PCDH15: variants seen among roughly 807,000 people sequenced by gnomAD.
The protein encoded by PCDH15 is protocadherin-15.
Under a neutral mutation model 178.5 loss-of-function variants are expected in PCDH15, and 129 were observed. The ratio of observed to expected loss-of-function variants is 0.72; its 90% CI spans 0.63 to 0.84. The LOEUF (loss-of-function observed/expected upper bound fraction) is 0.84, where lower values mean the gene tolerates loss of function less well. PCDH15 is among the 40% of genes least tolerant of loss of function. The pLI is 0.00. For synonymous variants in PCDH15, 800 were observed against 732.0 expected (o/e 1.09, Z -1.50); for missense variants, 2,230 against 2,099.9 (o/e 1.06, Z -1.21).
At chr10:54,832,264 A>G (rs1953237936) in intron 3 of PCDH15, among the ~76,000 whole-genome samples, 1 of 152,154 alleles carries the variant, frequency 6.6e-6, no homozygotes, top group African/African-American at 2.4e-5. Flanking sequence ...GCCCATCCGA[A>G]TCAGTCACAG....
At chr10:55,398,144 G>T (rs1837974344) in intron 2 of PCDH15, among the ~76,000 whole-genome samples, 1 of 149,142 alleles carries the variant, frequency 6.7e-6, no homozygotes, top group African/African-American at 2.5e-5. Context: ...CATTATTTTG[G>T]ATGTCAATAA....
At chr10:55,008,838 C>T (rs1457264368) in intron 2 of PCDH15, among the ~76,000 whole-genome samples, 8 of 151,814 alleles carry the variant, frequency 5.3e-5, no homozygotes, top group Admixed American at 5.3e-4. Context: ...AATTACTAAA[C>T]ATCAACAGCT....
At chr10:54,491,106 A>G (rs2079547353) in intron 3 of PCDH15, among the ~76,000 whole-genome samples, 1 of 152,162 alleles carries the variant, frequency 6.6e-6, no homozygotes, top group Non-Finnish European at 1.5e-5. Context: ...GAAGGTAAGT[A>G]TAGCAAATTA....
At chr10:54,412,742 C>T (rs985006074) in intron 3 of PCDH15, among the ~76,000 whole-genome samples, 4 of 152,162 alleles carry the variant, frequency 2.6e-5, no homozygotes, top group South Asian at 4.1e-4. Context: ...TCTTTTTTTG[C>T]GACAGAGTCT....
rs550388392 is a variant in PCDH15 at position 55,057,238 on chromosome 10, C to T, written c.-80+109338G>A. 5.9e-5 allele frequency among the ~76,000 whole-genome samples: 9 copies of T among 152,154 alleles called. No homozygotes were observed. In the South Asian group the frequency reaches 1.9e-3, roughly 32 times the overall value. ...ATTTGGTCTTTAATCTTTTCAGCTACTTCTTTCCTTTAGTGGTTGTAATTT... is the reference window on the plus strand; with the variant it reads ...ATTTGGTCTTTAATCTTTTCAGCTATTTCTTTCCTTTAGTGGTTGTAATTT... On this transcript the variant is annotated intron_variant, in intron 2 of 5. Coordinates refer to the PCDH15 transcript ENST00000458638.
At chr10:54,837,793 T>G (rs1473986030) in intron 3 of PCDH15, among the ~76,000 whole-genome samples, 1 of 152,076 alleles carries the variant, frequency 6.6e-6, no homozygotes, top group East Asian at 1.9e-4. Context: ...TGCAAAACTT[T>G]GGTGATATAC....
At chr10:55,314,199 G>GTATATATATATA (rs34097929) in intron 1 of PCDH15, among the ~76,000 whole-genome samples, 8 of 142,828 alleles carry the variant, frequency 5.6e-5, no homozygotes, top group Admixed American at 7.1e-5. Flanking sequence ...ATGTTTGTGT[G>GTATATATATATA]TATATATATA....
At chr10:54,568,068 T>C (rs2089296012) in intron 2 of PCDH15, among the ~76,000 whole-genome samples, 1 of 152,214 alleles carries the variant, frequency 6.6e-6, no homozygotes, top group East Asian at 1.9e-4. Context: ...AGATCAATTT[T>C]GCACACCTTG....
Position 54,183,496 on chromosome 10 carries a change from G to C in PCDH15, c.1538C>G (p.Ser513Cys), listed in dbSNP as rs778258337. 1 of 1,613,742 alleles carries C rather than the reference G, an allele frequency of 6.2e-7. No individual in the cohort carries two copies. The highest frequency in any genetic ancestry group is 1.1e-5 in the South Asian group (1 of 91,072). ...NDNTPTFPEI[S>C]YDVYVYTDMR... is the part of the protein sequence containing the mutation. Reference sequence around the variant, plus strand: ...GTCTGTATAAACATACACATCATAGGATATTTCAGGGAAGGTTGGCGTGTT... The same window carrying C: ...GTCTGTATAAACATACACATCATAGCATATTTCAGGGAAGGTTGGCGTGTT... Residue 513 changes from serine to cysteine, a missense_variant, in exon 13 of 38, where the codon TCC becomes TGC. Coordinates refer to ENST00000644397, the MANE Select transcript of PCDH15 (RefSeq NM_001384140.1).
chr10:54,256,979 A>G (rs567110668), intron 8 of PCDH15, among the ~76,000 whole-genome samples: 1 of 152,226 alleles, frequency 6.6e-6, no homozygotes, highest in East Asian at 1.9e-4. Context: ...TACATAAAAC[A>G]TTGTCCTGCA....
chr10:54,564,627 A>T (rs1014271509), intron 2 of PCDH15, among the ~76,000 whole-genome samples: 1 of 152,150 alleles, frequency 6.6e-6, no homozygotes, highest in Non-Finnish European at 1.5e-5. Context: ...GCAAATTAGA[A>T]AAGGGCTTTT....
intron 13 of PCDH15, among the ~76,000 whole-genome samples, chr10:54,159,648 G>A (rs571138243): frequency 1.5e-4 from 23 of 151,994 alleles, no homozygotes; most frequent in Non-Finnish European, 2.5e-4. Flanking sequence ...ATTGTGCTTC[G>A]AGATTTTGGT....
intron 2 of PCDH15, among the ~76,000 whole-genome samples, chr10:55,392,212 G>A (rs1837809864): frequency 6.6e-6 from 1 of 152,148 alleles, no homozygotes; most frequent in Admixed American, 6.5e-5. Context: ...AATACTGCAA[G>A]AATTACTAAA....
chr10:54,518,738 G>A (rs1482293717), intron 3 of PCDH15, among the ~76,000 whole-genome samples: 2 of 152,126 alleles, frequency 1.3e-5, no homozygotes, highest in Non-Finnish European at 1.5e-5. Flanking sequence ...TGATACCAAA[G>A]CCTGGCAGAG....
chr10:55,401,481 A>T (rs1387881015), intron 2 of PCDH15, among the ~76,000 whole-genome samples: 2 of 152,032 alleles, frequency 1.3e-5, no homozygotes, highest in South Asian at 4.1e-4. Context: ...TGTATTTGTA[A>T]TGCAAAGGTC....
intron 2 of PCDH15, among the ~76,000 whole-genome samples, chr10:55,454,591 C>T (rs946042400): frequency 6.8e-6 from 1 of 146,504 alleles, no homozygotes; most frequent in African/African-American, 2.6e-5. Flanking sequence ...TCCTGGCTAA[C>T]ACAGTGAAAC....
chr10:55,182,271 AAAAATTACACCTGACTTCAAAGTAT>A (rs1028803243), intron 1 of PCDH15, among the ~76,000 whole-genome samples: 27 of 151,978 alleles, frequency 1.8e-4, no homozygotes, highest in African/African-American at 6.5e-4. Flanking sequence ...AATAACTACA[AAAAATTACACCTGACTTCAAAGTAT>A]AAAATTACTC....
chr10:55,285,661 G>A (rs1362921382), intron 1 of PCDH15, among the ~76,000 whole-genome samples: 1 of 151,460 alleles, frequency 6.6e-6, no homozygotes, highest in African/African-American at 2.4e-5. Context: ...TGGGTAGTGA[G>A]GTGAAATATG....
chr10:55,338,402 T>C (rs538346345), intron 2 of PCDH15, among the ~76,000 whole-genome samples: 2 of 152,328 alleles, frequency 1.3e-5, no homozygotes, highest in African/African-American at 4.8e-5. Flanking sequence ...AACTGAATTG[T>C]CTATCAACAG....
Sources: allele counts gnomAD v4.1 joint callset (sites outside exome capture counted in the v4.1 genomes callset), GRCh38; gene constraint gnomAD v4.1.1; transcripts MANE v1.5; gene names NCBI Gene and HGNC (gene_info 2026-07-23, HGNC 2026-07-21).